Variants in MTUS2 observed in about 807,000 individuals in gnomAD.
MTUS2 encodes the protein microtubule-associated tumor suppressor candidate 2.
Under a neutral mutation model 114.1 loss-of-function variants are expected in MTUS2, and 40 were observed. The observed-to-expected ratio is 0.35, with a 90% CI of 0.27 to 0.46. MTUS2 has a LOEUF of 0.46. Ranked by LOEUF, MTUS2 falls within the 20% of genes least tolerant of loss-of-function variation. The pLI, the probability that MTUS2 is intolerant of heterozygous loss-of-function variation, is 1.00. For synonymous variants in MTUS2, 688 were observed against 672.0 expected (o/e 1.02, Z -0.37); for missense variants, 1,679 against 1,705.4 (o/e 0.98, Z 0.27).
chr13:28,905,628 T>C (rs1879950384), intron 2 of MTUS2, among the ~76,000 whole-genome samples: 2 of 151,496 alleles, frequency 1.3e-5, no homozygotes, highest in Admixed American at 6.6e-5. Flanking sequence ...TGGATAAGCT[T>C]TTTGATGTGC....
chr13:29,367,861 A>G lies in MTUS2; in HGVS notation c.3117+8388A>G, dbSNP rs535643069. On this transcript the variant is annotated intron_variant, in intron 8 of 15. Transcript: ENST00000612955. ...CCGGAACTGTACATTGTATGCATCA[A>G]TGAGCCCTCAAGTCCAGGGAAAAAT... Among the ~76,000 whole-genome samples, 274 of 152,172 alleles carry G rather than the reference A, an allele frequency of 1.8e-3. 1 individual carries two copies. The highest frequency in any genetic ancestry group is 6.0e-3 in the African/African-American group (251 of 41,530).
chr13:29,103,703 G>GTCACTAGGC (rs1890529420), intron 5 of MTUS2, among the ~76,000 whole-genome samples: 1 of 152,190 alleles, frequency 6.6e-6, no homozygotes, highest in Non-Finnish European at 1.5e-5. Flanking sequence ...TGGCTAAGAC[G>GTCACTAGGC]TCACTAGGCA....
At chr13:29,183,355 A>T (rs1045194199) in intron 5 of MTUS2, among the ~76,000 whole-genome samples, 1 of 152,064 alleles carries the variant, frequency 6.6e-6, no homozygotes, top group African/African-American at 2.4e-5. Context: ...AGATGAGGAA[A>T]ACAGCAGGGG....
chr13:28,861,445 T>TC (rs1435656488), intron 2 of MTUS2, among the ~76,000 whole-genome samples: 4 of 151,122 alleles, frequency 2.6e-5, no homozygotes, highest in Admixed American at 6.6e-5. Context: ...TTTTCTTTTT[T>TC]TTTTTTTTTT....
intron 6 of MTUS2, chr13:29,307,786 G>T: frequency 1.0e-6 from 1 of 990,980 alleles, no homozygotes; most frequent in Middle Eastern, 3.2e-4. Flanking sequence ...CAAGGAGTAA[G>T]ACCCCCAGAC....
At chr13:28,971,101 G>A (rs904024840) in intron 2 of MTUS2, among the ~76,000 whole-genome samples, 3 of 152,152 alleles carry the variant, frequency 2.0e-5, no homozygotes, top group African/African-American at 4.8e-5. Context: ...TTGAAAAATC[G>A]TGCCAGAAAG....
chr13:28,905,320 C>G (rs1004493112), intron 2 of MTUS2, among the ~76,000 whole-genome samples: 3 of 151,556 alleles, frequency 2.0e-5, no homozygotes, highest in Admixed American at 6.6e-5. Context: ...AGAGGGCATC[C>G]CTGTCTTGTG....
At chr13:29,481,543 A>G (rs988393550) in intron 10 of MTUS2, among the ~76,000 whole-genome samples, 17 of 152,190 alleles carry the variant, frequency 1.1e-4, no homozygotes, top group African/African-American at 3.6e-4. Context: ...CTCACTTGAC[A>G]TTCAGGTTAG....
intron 5 of MTUS2, among the ~76,000 whole-genome samples, chr13:29,118,629 A>G (rs764613130): frequency 2.6e-4 from 40 of 152,270 alleles, no homozygotes; most frequent in Admixed American, 5.2e-4. Context: ...GTGTGTAGGT[A>G]CTGGCTGAGG....
Position 29,033,954 on chromosome 13 carries a change from T to C in MTUS2, c.2275T>C (p.Phe759Leu). The part of the protein sequence containing the change: ...PYAHYEVPPT[F>L]YRSAMLLKPQ... ...TGCTCATTATGAAGTCCCTCCAACT[T>C]TCTATCGGTCAGCCATGCTCCTTAA... The change falls in exon 4 of 16, where the codon TTC (phenylalanine) becomes CTC (leucine). Residue 759 changes from phenylalanine to leucine, a missense_variant. This residue lies in a region of MTUS2 where 822 missense variants were observed against 899.7 expected (regional missense o/e 0.91). Coordinates refer to ENST00000612955, the MANE Select transcript of MTUS2 (RefSeq NM_001033602.4). 1.2e-6 allele frequency: 2 copies of C among 1,613,998 alleles called. No individual in the cohort carries two copies. The highest frequency in any genetic ancestry group is 8.5e-7 in the Non-Finnish European group (1 of 1,179,892).
intron 9 of MTUS2, among the ~76,000 whole-genome samples, chr13:29,474,361 C>T (rs1478336389): frequency 6.6e-6 from 1 of 152,076 alleles, no homozygotes; most frequent in Non-Finnish European, 1.5e-5. Flanking sequence ...GAACTTTTAC[C>T]AGAACTTTTG....
chr13:28,974,777 A>T (rs1352833237), intron 2 of MTUS2, among the ~76,000 whole-genome samples: 2 of 152,208 alleles, frequency 1.3e-5, no homozygotes, highest in African/African-American at 2.4e-5. Flanking sequence ...TCTGCTGTGC[A>T]AGGCTTTTCC....
intron 5 of MTUS2, among the ~76,000 whole-genome samples, chr13:29,256,106 C>T (rs997024612): frequency 2.0e-5 from 3 of 152,150 alleles, no homozygotes; most frequent in Non-Finnish European, 4.4e-5. Flanking sequence ...ATGACAGTGG[C>T]GTCATCTTAG....
chr13:29,435,403 C>G (rs1877330110), intron 8 of MTUS2, among the ~76,000 whole-genome samples: 1 of 152,094 alleles, frequency 6.6e-6, no homozygotes, highest in Non-Finnish European at 1.5e-5. Context: ...AACCCTGGGC[C>G]CTTAGAGGAG....
At chr13:29,262,814 T>G (rs1028359181) in intron 5 of MTUS2, among the ~76,000 whole-genome samples, 1 of 152,114 alleles carries the variant, frequency 6.6e-6, no homozygotes, top group Non-Finnish European at 1.5e-5. Flanking sequence ...GGGGCTTGCA[T>G]GAGACAGGAT....
chr13:28,910,265 A>G (rs1252896238), intron 2 of MTUS2, among the ~76,000 whole-genome samples: 5 of 152,192 alleles, frequency 3.3e-5, no homozygotes, highest in Admixed American at 3.3e-4. Flanking sequence ...CCCACAAATA[A>G]GCGAGAACAT....
intron 2 of MTUS2, among the ~76,000 whole-genome samples, chr13:28,903,998 T>G (rs1879817353): frequency 6.6e-6 from 1 of 152,242 alleles, no homozygotes; most frequent in East Asian, 1.9e-4. Flanking sequence ...TGATTTGCAT[T>G]TCTCTGATAG....
At chr13:29,381,475 C>T (rs1447042309) in intron 8 of MTUS2, among the ~76,000 whole-genome samples, 1 of 152,136 alleles carries the variant, frequency 6.6e-6, no homozygotes, top group South Asian at 2.1e-4. Context: ...TTTTTATTTG[C>T]TAACATTTAC....
In MTUS2 at chr13:29,038,668, T is replaced by G. The variant is rs370882175; in HGVS notation, c.2446+4543T>G. Among the ~76,000 whole-genome samples, 4 of 152,320 alleles carry G rather than the reference T, an allele frequency of 2.6e-5. No individual in the cohort carries two copies. In the East Asian group the frequency reaches 7.7e-4, roughly 29 times the overall value. On this transcript the variant is annotated intron_variant, in intron 4 of 15. Coordinates refer to ENST00000612955, the MANE Select transcript of MTUS2 (RefSeq NM_001033602.4). Reference sequence around the variant, plus strand: ...CTGCCCCATCCCCCAGGGTGCCCTGTCCCAGGGAGATGGGAGTTTTATCTA... The same window carrying G: ...CTGCCCCATCCCCCAGGGTGCCCTGGCCCAGGGAGATGGGAGTTTTATCTA...
Sources: allele counts gnomAD v4.1 joint callset (sites outside exome capture counted in the v4.1 genomes callset), GRCh38; gene constraint gnomAD v4.1.1; regional missense constraint gnomAD v4.1.1; transcripts MANE v1.5; gene names NCBI Gene and HGNC (gene_info 2026-07-23, HGNC 2026-07-21).